The following BRWD3 variants were observed in gnomAD, a reference collection of about 807,000 sequenced individuals.
The protein encoded by BRWD3 is bromodomain and WD repeat domain containing 3, also known as bromodomain and WD repeat-containing protein 3.
In BRWD3, 10 loss-of-function variants were observed where a neutral mutation model predicts 149.7. The ratio of observed to expected loss-of-function variants is 0.07; its 90% CI spans 0.04 to 0.11. The LOEUF (loss-of-function observed/expected upper bound fraction) is 0.11, where lower values mean the gene tolerates loss of function less well. Ranked by LOEUF, BRWD3 falls within the 10% of genes least tolerant of loss-of-function variation. BRWD3 has a pLI of 1.00. For synonymous variants in BRWD3, 504 were observed against 456.7 expected, an observed-to-expected ratio of 1.10 and a Z score of -1.32; for missense variants, 940 against 1,373.2, an observed-to-expected ratio of 0.68 and a Z score of 4.99.
intron 6 of BRWD3, among the ~76,000 whole-genome samples, chrX:80,773,701 A>G (rs181401191): frequency 5.2e-4 from 58 of 111,916 alleles, no homozygotes; most frequent in African/African-American, 1.8e-3. Context: ...CTATGCAGGT[A>G]TCTTCTCACC....
intron 20 of BRWD3, among the ~76,000 whole-genome samples, chrX:80,713,003 G>A (rs1222799927): frequency 7.4e-5 from 8 of 108,619 alleles, no homozygotes; most frequent in Non-Finnish European, 1.2e-4. Context: ...CAGCCACCCC[G>A]TCCGGGAGGG....
intron 39 of BRWD3, 121 bp from the exon 40 acceptor site, chrX:80,681,620 C>A: frequency 1.7e-6 from 1 of 579,620 alleles, no homozygotes; most frequent in Non-Finnish European, 2.7e-6. Flanking sequence ...ATAAGTTTCT[C>A]TAAGAAAATG....
Position 80,733,443 on chromosome X carries a change from A to G in BRWD3, c.1127+13T>C. On this transcript the variant is annotated intron_variant, in intron 12 of 40. Coordinates refer to ENST00000373275, the MANE Select transcript of BRWD3 (RefSeq NM_153252.5). ...CAAACATTTGTTTACACAAATATGTATTACATAATTACCTGTCTCCATTGT... is the reference window on the plus strand; with the variant it reads ...CAAACATTTGTTTACACAAATATGTGTTACATAATTACCTGTCTCCATTGT... 9 of 1,168,756 alleles carry G rather than the reference A, an allele frequency of 7.7e-6. No homozygotes were observed. The highest frequency in any genetic ancestry group is 1.0e-5 in the Non-Finnish European group (9 of 858,415).
intron 6 of BRWD3, among the ~76,000 whole-genome samples, chrX:80,751,385 A>G (rs1254988471): frequency 1.8e-5 from 2 of 111,436 alleles, no homozygotes; most frequent in Non-Finnish European, 1.9e-5. Context: ...TTTGCCAATA[A>G]AAATGAATAA....
In BRWD3 at chrX:80,722,616, G is replaced by T. The variant is rs761383038; in HGVS notation, c.1822C>A (p.Arg608=). 1 of 1,211,241 alleles carries T rather than the reference G, an allele frequency of 8.3e-7. No homozygotes were observed. Among genetic ancestry groups the T allele is most frequent in the East Asian group, 3.0e-5 (1 of 33,813 alleles). Reference sequence around the variant, plus strand: ...AGCTGTTCATCTTTACAATTTTCCCGTCCTGGTACCAACCGTTGGAATTTT... The same window carrying T: ...AGCTGTTCATCTTTACAATTTTCCCTTCCTGGTACCAACCGTTGGAATTTT... ...PTKFQRLVPG[R]ENCKDEQLIP... is the part of the protein sequence containing the mutation. The change falls in exon 17 of 41, where the codon CGG becomes AGG. Residue 608 remains arginine, a synonymous_variant. Transcript: ENST00000373275.
Position 80,728,749 on chromosome X carries a change from T to C in BRWD3, c.1386+3A>G. On this transcript the variant is annotated splice_donor_region_variant and intron_variant, in intron 14 of 40. Coordinates refer to ENST00000373275, the MANE Select transcript of BRWD3 (RefSeq NM_153252.5). ...TTAATTACTCTAAAAATAAAATACT[T>C]ACAGATAATGTATGAAGAAGCTGTC... 8.4e-7 allele frequency: 1 copy of C among 1,192,855 alleles called. No individual in the cohort carries two copies. Among genetic ancestry groups the C allele is most frequent in the Non-Finnish European group, 1.1e-6 (1 of 881,095 alleles).
intron 4 of BRWD3, among the ~76,000 whole-genome samples, chrX:80,803,620 C>G (rs2074324208): frequency 8.9e-6 from 1 of 111,966 alleles, no homozygotes; most frequent in African/African-American, 3.2e-5. Flanking sequence ...CTCTCTCTGT[C>G]ATAATACCTA....
rs760075274 is a variant in BRWD3, at chrX:80,685,463, T to C, written c.4079A>G (p.Glu1360Gly). 2 of 1,204,652 alleles carry C rather than the reference T, an allele frequency of 1.7e-6. No individual in the cohort carries two copies. The highest frequency in any genetic ancestry group is 3.5e-5 in the South Asian group (2 of 56,739). Residue 1360 changes from glutamate to glycine, a missense_variant and splice_region_variant, in exon 36 of 41, where the codon GAG (glutamate) becomes GGG (glycine). Transcript: ENST00000373275. The part of the protein sequence containing the change: ...PERQQDSSLS[E>G]DYQDVIDTPV... Reference sequence around the variant, plus strand: ...CTTTTAAGAGACTACCAGGCCTACCTCAGAAAGAGATGAATCTTGTTGTCT... The same window carrying C: ...CTTTTAAGAGACTACCAGGCCTACCCCAGAAAGAGATGAATCTTGTTGTCT...
At chrX:80,801,570 G>A in intron 4 of BRWD3, among the ~76,000 whole-genome samples, 1 of 109,754 alleles carries the variant, frequency 9.1e-6, no homozygotes. Context: ...GCCAGGTGTG[G>A]TGGCTCACAC....
rs2072350074 is a variant in BRWD3 at position 80,674,884 on chromosome X, C to T, written c.*1725G>A. ...CAAAGTTTTATGTGTGTACGCCTTC[C>T]TCTGCACTTAAGGGTTTTCAGATGC... On this transcript the variant is annotated 3_prime_UTR_variant, in exon 41 of 41. Coordinates refer to ENST00000373275, the MANE Select transcript of BRWD3 (RefSeq NM_153252.5). 1 of 111,808 alleles carries T rather than the reference C, an allele frequency of 8.9e-6. No individual in the cohort carries two copies. The highest frequency in any genetic ancestry group is 3.7e-4 in the South Asian group (1 of 2,707). 9.2% of individuals were successfully genotyped at this position (111,808 alleles called of 1,213,427 possible).
In BRWD3 at chrX:80,769,211, G is replaced by A. The variant is rs150963716; in HGVS notation, c.430+22643C>T. 3.9e-3 allele frequency among the ~76,000 whole-genome samples: 434 copies of A among 111,240 alleles called. 2 individuals carry two copies. Among genetic ancestry groups the A allele is most frequent in the African/African-American group, 0.013 (409 of 30,519 alleles). ...GACAGAAGGTTAACAAGGATATCCA[G>A]GAACTGAACTCAGCTCTGCAACAAG... is the stretch of plus-strand genomic sequence containing the variant. On this transcript the variant is annotated intron_variant, in intron 6 of 40. Transcript: ENST00000373275.
chrX:80,689,282 T>C (rs2072579209), intron 33 of BRWD3, among the ~76,000 whole-genome samples: 2 of 111,737 alleles, frequency 1.8e-5, no homozygotes, highest in Admixed American at 1.9e-4. Flanking sequence ...TGCTGAGTAC[T>C]ACTTCCATTT....
At chrX:80,808,072 C>A (rs2074367585) in intron 4 of BRWD3, among the ~76,000 whole-genome samples, 1 of 88,488 alleles carries the variant, frequency 1.1e-5, no homozygotes, top group Non-Finnish European at 2.2e-5. Flanking sequence ...GCCCCCCCGC[C>A]CCCCCCAAAA....
rs779859912 is a variant in BRWD3, at chrX:80,719,613, A to G, written c.1920T>C (p.Asn640=). 8.3e-7 allele frequency: 1 copy of G among 1,210,717 alleles called. No homozygotes were observed. Among genetic ancestry groups the G allele is most frequent in the Admixed American group, 2.2e-5 (1 of 45,953 alleles). ...CATCAAGAATGCTCTCATCTTGGTCATTGGTTTGCTGCCCAATTACCTGTT... is the reference window on the plus strand; with the variant it reads ...CATCAAGAATGCTCTCATCTTGGTCGTTGGTTTGCTGCCCAATTACCTGTT... ...VVEQVIGQQT[N]DQDESILDGI... Residue 640 remains asparagine (N), a synonymous_variant, in exon 18 of 41, where the codon AAT becomes AAC. Transcript: ENST00000373275.
At chrX:80,715,953 T>C (rs771477661) in intron 20 of BRWD3, among the ~76,000 whole-genome samples, 2 of 111,976 alleles carry the variant, frequency 1.8e-5, no homozygotes, top group Admixed American at 1.9e-4. Context: ...CCACATGTCC[T>C]AGATTTGGGG....
chrX:80,756,361 GCCT>G (rs2073736830), intron 6 of BRWD3, among the ~76,000 whole-genome samples: 1 of 108,582 alleles, frequency 9.2e-6, no homozygotes. Context: ...AATTAGCTGG[GCCT>G]GGTGGTGCAT....
chrX:80,724,511 A>G (rs899144298), intron 15 of BRWD3, among the ~76,000 whole-genome samples: 3 of 111,717 alleles, frequency 2.7e-5, no homozygotes, highest in Non-Finnish European at 3.8e-5. Context: ...ATCTTAAAGA[A>G]CATCCGTATC....
chrX:80,755,457 A>G (rs2073725869), intron 6 of BRWD3, among the ~76,000 whole-genome samples: 1 of 111,884 alleles, frequency 8.9e-6, no homozygotes, highest in Admixed American at 9.5e-5. Context: ...TACACCTAAT[A>G]AATTAGCATT....
Position 80,725,407 on chromosome X carries a change from AC to A in BRWD3, c.1387-341del, listed in dbSNP as rs1338835232. ...ATGACAAACAGAATCTTTCAATAAC[AC>A]CCAATTCTGACACAGTGATAAATAC... is the stretch of plus-strand genomic sequence containing the variant. On this transcript the variant is annotated intron_variant, in intron 14 of 40. Coordinates refer to ENST00000373275, the MANE Select transcript of BRWD3 (RefSeq NM_153252.5). 6.3e-5 allele frequency among the ~76,000 whole-genome samples: 7 copies of A among 111,857 alleles called. No homozygotes were observed. The Admixed American group carries it at 6.6e-4, about 11-fold the overall frequency.
Sources: gnomAD v4.1 joint callset for allele counts (sites outside exome capture counted in the v4.1 genomes callset) on GRCh38, gnomAD v4.1.1 for gene constraint, MANE v1.5 for transcripts, NCBI Gene and HGNC (gene_info 2026-07-23, HGNC 2026-07-21) for gene names.